CHODL: variants seen among roughly 807,000 people sequenced by gnomAD.
CHODL encodes chondrolectin.
A neutral mutation model predicts 34.5 loss-of-function variants in CHODL; 29 were observed. The ratio of observed to expected loss-of-function variants is 0.84; its 90% CI spans 0.63 to 1.15. The LOEUF is 1.15. Among genes scored for constraint, CHODL ranks in the 50% most tolerant of loss-of-function variants. The probability of loss-of-function intolerance (pLI) is 0.00; values close to 1 mark genes in which losing one functional copy is unlikely to be tolerated. For missense variants in CHODL, 332 were observed against 332.5 expected, an observed-to-expected ratio of 1.00 and a Z score of 0.01; for synonymous variants, 125 against 116.1, an observed-to-expected ratio of 1.08 and a Z score of -0.49.
chr21:17,927,082 GTGTA>G (rs1038896589), intron 1 of CHODL, among the ~76,000 whole-genome samples: 10 of 149,754 alleles, frequency 6.7e-5, no homozygotes, highest in East Asian at 2.0e-4. Context: ...GTATATCTGT[GTGTA>G]TGTATGTATA....
At chr21:18,207,635 G>A (rs1156364445) in intron 2 of CHODL, among the ~76,000 whole-genome samples, 2 of 145,828 alleles carry the variant, frequency 1.4e-5, no homozygotes, top group Non-Finnish European at 3.0e-5. Context: ...GGACAGGTCT[G>A]GTGGTGGTGA....
At chr21:18,082,285 T>C (rs2064951995) in intron 2 of CHODL, among the ~76,000 whole-genome samples, 1 of 152,180 alleles carries the variant, frequency 6.6e-6, no homozygotes, top group Non-Finnish European at 1.5e-5. Flanking sequence ...TTCCTGAGGC[T>C]TCCCAGTCAT....
chr21:17,922,000 A>G lies in CHODL; in HGVS notation c.-145+4600A>G, dbSNP rs953538823. 2.0e-5 allele frequency among the ~76,000 whole-genome samples: 3 copies of G among 152,206 alleles called. No individual in the cohort carries two copies. The South Asian group carries it at 6.2e-4, about 32-fold the overall frequency. ...ATTTATTCCACAATAAAGGAAAGTT[A>G]TGAAATATGATGCTATTTCTGGTTT... On this transcript the variant is annotated intron_variant, in intron 1 of 6. Transcript: ENST00000400127.
At chr21:18,067,088 A>G (rs2064741215) in intron 2 of CHODL, among the ~76,000 whole-genome samples, 1 of 152,222 alleles carries the variant, frequency 6.6e-6, no homozygotes, top group Non-Finnish European at 1.5e-5. Flanking sequence ...GTTATGTTTT[A>G]TGCCAGATGG....
chr21:17,947,892 GAATC>G (rs1271692179), intron 1 of CHODL, among the ~76,000 whole-genome samples: 1 of 152,114 alleles, frequency 6.6e-6, no homozygotes, highest in East Asian at 1.9e-4. Context: ...CAAAGTCCTG[GAATC>G]AATCTAAGTG....
At chr21:18,157,864 TATTA>T (rs979225544) in intron 2 of CHODL, among the ~76,000 whole-genome samples, 3 of 152,036 alleles carry the variant, frequency 2.0e-5, no homozygotes, top group Admixed American at 2.0e-4. Context: ...ATACAATAAT[TATTA>T]ATTCTAACTT....
At chr21:18,102,386 T>G (rs1026262160) in intron 2 of CHODL, among the ~76,000 whole-genome samples, 35 of 152,210 alleles carry the variant, frequency 2.3e-4, no homozygotes, top group African/African-American at 7.5e-4. Context: ...TGATTGGATT[T>G]TAATTGTACA....
chr21:18,248,555 T>C (rs956076782), intron 1 of CHODL, among the ~76,000 whole-genome samples: 4 of 144,754 alleles, frequency 2.8e-5, no homozygotes, highest in African/African-American at 1.0e-4. Flanking sequence ...CAGTATCTGT[T>C]ACATTACCTT....
At chr21:18,251,525 AT>A (rs2074244568) in intron 1 of CHODL, among the ~76,000 whole-genome samples, 1 of 87,824 alleles carries the variant, frequency 1.1e-5, no homozygotes, top group African/African-American at 6.1e-5. Flanking sequence ...TAAAATATTT[AT>A]TTTATTTATT....
intron 2 of CHODL, among the ~76,000 whole-genome samples, chr21:18,106,452 A>G (rs1228465048): frequency 1.3e-5 from 2 of 151,812 alleles, no homozygotes; most frequent in East Asian, 3.9e-4. Flanking sequence ...TACTTTTGAA[A>G]TATTTTTTGT....
chr21:18,245,775 G>C, intron 1 of CHODL: 3 of 703,942 alleles, frequency 4.3e-6, no homozygotes, highest in Non-Finnish European at 7.2e-6. Flanking sequence ...TCAGTTCGCT[G>C]TGGGTCGCCT....
rs577069810 is a variant in CHODL, at chr21:18,104,246, C to T, written c.-45+76275C>T. 2.4e-4 allele frequency among the ~76,000 whole-genome samples: 36 copies of T among 152,224 alleles called. 1 individual carries two copies. The South Asian group carries it at 2.7e-3, about 11-fold the overall frequency. On this transcript the variant is annotated intron_variant, in intron 2 of 6. Transcript: ENST00000400127. ...CATCTTGAATTGTAATCACCATACA[C>T]GTGTCAAGGTAATTGAATCATGGGG...
intron 2 of CHODL, among the ~76,000 whole-genome samples, chr21:18,199,899 G>C (rs1568934334): frequency 6.6e-6 from 1 of 152,160 alleles, no homozygotes; most frequent in Non-Finnish European, 1.5e-5. Context: ...CATGAACAAA[G>C]CCGCTGTAAT....
intron 2 of CHODL, among the ~76,000 whole-genome samples, chr21:18,154,659 T>C (rs147640757): frequency 1.3e-5 from 2 of 152,278 alleles, no homozygotes; most frequent in East Asian, 3.9e-4. Context: ...ATAGAAATAC[T>C]CAGATTAACA....
At chr21:18,051,241 C>G (rs1016774769) in intron 2 of CHODL, among the ~76,000 whole-genome samples, 1 of 151,796 alleles carries the variant, frequency 6.6e-6, no homozygotes, top group African/African-American at 2.4e-5. Flanking sequence ...CATCCATGTC[C>G]CTGCAAAGGA....
rs2074474855 is a variant in CHODL at position 18,267,177 on chromosome 21, TGGAAC to T, written c.*1140_*1144del. The T allele has an allele frequency of 6.6e-6, 1 of 152,196 alleles. No homozygotes were observed. Among genetic ancestry groups the T allele is most frequent in the South Asian group, 2.1e-4 (1 of 4,832 alleles). 9.4% of individuals were successfully genotyped at this position (152,196 alleles called of 1,614,324 possible). A position where few individuals can be genotyped will look rare whatever the true frequency, so the allele number is the denominator to read the frequency against. ...ACTACGAAATCGTGTGAAAATGGGT[TGGAAC>T]CCATCAGTGATCGCATATTCATTGA... is the stretch of plus-strand genomic sequence containing the variant. On this transcript the variant is annotated 3_prime_UTR_variant, in exon 6 of 6. Transcript: ENST00000299295.
At chr21:18,013,652 T>TTTTTTTTTTTTTTTTTTTA in intron 1 of CHODL, among the ~76,000 whole-genome samples, 1 of 141,482 alleles carries the variant, frequency 7.1e-6, no homozygotes, top group South Asian at 2.5e-4. Context: ...TTTTTTTTTT[T>TTTTTTTTTTTTTTTTTTTA]GAGACAGAGT....
chr21:18,239,504 T>A (rs892958059), intron 2 of CHODL, among the ~76,000 whole-genome samples: 12 of 152,118 alleles, frequency 7.9e-5, no homozygotes, highest in African/African-American at 2.4e-4. Flanking sequence ...TTATTGCTAT[T>A]ATGGCTGGCT....
At position 17,920,480 on chromosome 21, in the gene CHODL, G is replaced by T. The variant is rs553051456; in HGVS notation, c.-145+3080G>T. Among the ~76,000 whole-genome samples, 34 of 152,264 alleles carry T rather than the reference G, an allele frequency of 2.2e-4. No homozygotes were observed. In the South Asian group the frequency reaches 6.4e-3, roughly 29 times the overall value. The stretch of plus-strand genomic sequence containing the variant: ...ACTATCACAAGAACAGCCCAGAAAA[G>T]ATCTGCCCCCATAATTTAATCACCT... On this transcript the variant is annotated intron_variant, in intron 1 of 6. Transcript: ENST00000400127.
Sources: allele counts gnomAD v4.1 joint callset (sites outside exome capture counted in the v4.1 genomes callset), GRCh38; gene constraint gnomAD v4.1.1; transcripts MANE v1.5; gene names NCBI Gene and HGNC (gene_info 2026-07-23, HGNC 2026-07-21).